Variants in SDC3 observed in about 807,000 individuals in gnomAD.
The protein encoded by SDC3 is syndecan 3.
A neutral mutation model predicts 24.4 loss-of-function variants in SDC3; 13 were observed. The observed-to-expected ratio is 0.53, with a 90% CI of 0.35 to 0.85. SDC3 has a LOEUF of 0.85. Among genes scored for constraint, SDC3 ranks in the 40% least tolerant of loss-of-function variants. The pLI is 0.01. For synonymous variants in SDC3, 295 were observed against 260.9 expected, an observed-to-expected ratio of 1.13 and a Z score of -1.26; for missense variants, 571 against 584.5, an observed-to-expected ratio of 0.98 and a Z score of 0.24.
At position 30,883,046 on chromosome 1, in the gene SDC3, C is replaced by G. The variant is rs36056464; in HGVS notation, c.139-4306G>C. Among the ~76,000 whole-genome samples, 706 of 152,244 alleles carry G rather than the reference C, an allele frequency of 4.6e-3. 1 individual carries two copies. The highest frequency in any genetic ancestry group is 7.0e-3 in the Non-Finnish European group (476 of 68,028). On this transcript the variant is annotated intron_variant, in intron 1 of 4. Coordinates refer to ENST00000339394, the MANE Select transcript of SDC3 (RefSeq NM_014654.4). ...TAAAATTTCTATTATTATTTCGAAG[C>G]CTTTATCTCATGTAAGCCTCAACCT...
chr1:30,900,329 C>T (rs903968310), intron 1 of SDC3, among the ~76,000 whole-genome samples: 1 of 152,200 alleles, frequency 6.6e-6, no homozygotes, highest in African/African-American at 2.4e-5. Context: ...TCATCTTCCT[C>T]GTCATCATCT....
chr1:30,891,781 A>G (rs1190154931), intron 1 of SDC3, among the ~76,000 whole-genome samples: 3 of 147,322 alleles, frequency 2.0e-5, no homozygotes, highest in African/African-American at 7.5e-5. Context: ...TGAACCCGGG[A>G]GGTGGAGATT....
At chr1:30,876,227 T>TTCTA (rs1006143611) in intron 3 of SDC3, among the ~76,000 whole-genome samples, 2 of 152,160 alleles carry the variant, frequency 1.3e-5, no homozygotes, top group African/African-American at 4.8e-5. Context: ...AGTGGAAAGA[T>TTCTA]TCTAATCCAG....
intron 1 of SDC3, among the ~76,000 whole-genome samples, chr1:30,881,026 T>G (rs1250138425): frequency 7.4e-6 from 1 of 134,432 alleles, no homozygotes; most frequent in Non-Finnish European, 1.6e-5. Context: ...CGCGCACGCA[T>G]GCACACACAC....
At chr1:30,899,572 A>G (rs750523058) in intron 1 of SDC3, among the ~76,000 whole-genome samples, 5 of 152,030 alleles carry the variant, frequency 3.3e-5, no homozygotes, top group African/African-American at 4.8e-5. Flanking sequence ...GAGTTTCACC[A>G]TCTTGGCCAG....
chr1:30,885,613 G>A (rs1178202264), intron 1 of SDC3, among the ~76,000 whole-genome samples: 1 of 152,214 alleles, frequency 6.6e-6, no homozygotes, highest in Non-Finnish European at 1.5e-5. Flanking sequence ...AAGGGGGGTG[G>A]AAAGGAAATG....
At chr1:30,898,564 G>A (rs1298088167) in intron 1 of SDC3, among the ~76,000 whole-genome samples, 1 of 152,152 alleles carries the variant, frequency 6.6e-6, no homozygotes, top group African/African-American at 2.4e-5. Flanking sequence ...ATGTTCCAGG[G>A]TTCAGGGAGG....
chr1:30,892,161 C>T (rs1249145773), intron 1 of SDC3, among the ~76,000 whole-genome samples: 2 of 152,086 alleles, frequency 1.3e-5, no homozygotes, highest in South Asian at 2.1e-4. Flanking sequence ...GCTCAAGGAC[C>T]CTGAGTGCCC....
At chr1:30,878,793 G>A in intron 1 of SDC3, 53 bp from the exon 2 acceptor site, 1 of 1,506,084 alleles carries the variant, frequency 6.6e-7, no homozygotes, top group South Asian at 1.1e-5. Context: ...TGGCAGCCTG[G>A]GTGAGCCCAG....
At chr1:30,886,807 T>TC (rs1224353347) in intron 1 of SDC3, among the ~76,000 whole-genome samples, 1 of 152,174 alleles carries the variant, frequency 6.6e-6, no homozygotes, top group Admixed American at 6.5e-5. Context: ...AGTGCCAGGT[T>TC]CCTTATATGC....
chr1:30,898,202 G>A (rs374898466), intron 1 of SDC3, among the ~76,000 whole-genome samples: 5 of 152,144 alleles, frequency 3.3e-5, no homozygotes, highest in African/African-American at 9.7e-5. Flanking sequence ...CAAGGGAGGC[G>A]TGTTCCCCTC....
chr1:30,877,324 C>T, intron 2 of SDC3, 159 bp from the exon 3 acceptor site: 2 of 963,530 alleles, frequency 2.1e-6, no homozygotes, highest in Admixed American at 2.6e-5. Flanking sequence ...AGGCACAGCC[C>T]AGCTAAAGGT....
At position 30,869,876 on chromosome 1, in the gene SDC3, G is replaced by T; in HGVS notation, c.*3335C>A. On this transcript the variant is annotated 3_prime_UTR_variant, in exon 5 of 5. Transcript: ENST00000339394. ...CGCTGCCTACGAAAAATATTTACAT[G>T]CATTTGCCACGCTGAGGCCAGGGTC... 1 of 398,678 alleles carries T rather than the reference G, an allele frequency of 2.5e-6. No homozygotes were observed. The highest frequency in any genetic ancestry group is 1.3e-4 in the South Asian group (1 of 7,846). 24.7% of individuals were successfully genotyped at this position (398,678 alleles called of 1,614,324 possible).
chr1:30,873,369 C>T lies in SDC3; in HGVS notation c.1171G>A (p.Val391Met), dbSNP rs1327007368. The T allele has an allele frequency of 6.2e-7, 1 of 1,613,408 alleles. No homozygotes were observed. The highest frequency in any genetic ancestry group is 8.5e-7 in the Non-Finnish European group (1 of 1,179,548). The change falls in exon 5 of 5, where the codon GTG becomes ATG. Residue 391 changes from valine (V) to methionine (M), a missense_variant. Physicochemically the swap from Val to Met is conservative, Grantham distance 21 (BLOSUM62 1). Coordinates refer to ENST00000339394, the MANE Select transcript of SDC3 (RefSeq NM_014654.4). The part of the protein sequence containing the change: ...ERKEVLVAVI[V>M]GGVVGALFAA... ...AAGAGGGCGCCCACCACCCCGCCCA[C>T]AATCACAGCTGTGGAAGAAGAGGGC...
Position 30,877,176 on chromosome 1 carries a change from G to A in SDC3, c.257-11C>T, listed in dbSNP as rs777139667. On this transcript the variant is annotated splice_polypyrimidine_tract_variant and intron_variant, in intron 2 of 4. Coordinates refer to ENST00000339394, the MANE Select transcript of SDC3 (RefSeq NM_014654.4). The stretch of plus-strand genomic sequence containing the variant: ...ACTCCTGCTCGAAGTCTGAGGGGGT[G>A]GGGGAGAGGGAGAGAGCTAGGGAGC... 1 of 1,613,676 alleles carries A rather than the reference G, an allele frequency of 6.2e-7. No homozygotes were observed. The highest frequency in any genetic ancestry group is 1.7e-5 in the Admixed American group (1 of 60,002).
Position 30,869,851 on chromosome 1 carries a change from C to T in SDC3, c.*3360G>A, listed in dbSNP as rs544638429. 4.0e-5 allele frequency: 16 copies of T among 398,592 alleles called. No homozygotes were observed. Among genetic ancestry groups the T allele is most frequent in the Admixed American group, 4.4e-5 (1 of 22,746 alleles). The allele number at this position is 398,592 out of a possible 1,614,324, so 24.7% of individuals were successfully genotyped here. ...GTCTTCAGGGGGCTCTCTGGAGCCA[C>T]GCTGCCTACGAAAAATATTTACATG... On this transcript the variant is annotated 3_prime_UTR_variant, in exon 5 of 5. Coordinates refer to ENST00000339394, the MANE Select transcript of SDC3 (RefSeq NM_014654.4).
At position 30,872,210 on chromosome 1, in the gene SDC3, C is replaced by T. The variant is rs1284423277; in HGVS notation, c.*1001G>A. The T allele has an allele frequency of 6.6e-6, 1 of 152,296 alleles. No homozygotes were observed. The highest frequency in any genetic ancestry group is 2.4e-5 in the African/African-American group (1 of 41,438). 9.4% of individuals were successfully genotyped at this position (152,296 alleles called of 1,614,324 possible). ...TGTTCTGGCTCGATTCCACCCTCCC[C>T]AGTAAGCCTGAAAGCTGGAGACAAT... On this transcript the variant is annotated 3_prime_UTR_variant, in exon 5 of 5. Coordinates refer to ENST00000339394, the MANE Select transcript of SDC3 (RefSeq NM_014654.4).
chr1:30,903,186 T>C (rs994625492), intron 1 of SDC3, among the ~76,000 whole-genome samples: 1 of 152,126 alleles, frequency 6.6e-6, no homozygotes, highest in Non-Finnish European at 1.5e-5. Flanking sequence ...TGCTCAGAGA[T>C]GGAGCAGGAG....
intron 1 of SDC3, among the ~76,000 whole-genome samples, chr1:30,891,869 G>GGAA: frequency 6.7e-6 from 1 of 148,246 alleles, no homozygotes; most frequent in Admixed American, 6.8e-5. Flanking sequence ...AAAAAAAAGA[G>GGAA]GAAGAAGAAG....
Sources: allele counts gnomAD v4.1 joint callset (sites outside exome capture counted in the v4.1 genomes callset), GRCh38; gene constraint gnomAD v4.1.1; transcripts MANE v1.5; gene names NCBI Gene and HGNC (gene_info 2026-07-23, HGNC 2026-07-21).